The following ACSS3 variants were observed in gnomAD, a reference collection of about 807,000 sequenced individuals.
ACSS3 encodes the protein acyl-CoA synthetase short-chain family member 3, mitochondrial.
In ACSS3, 64 loss-of-function variants were observed where a neutral mutation model predicts 84.2. The ratio of observed to expected loss-of-function variants is 0.76; its 90% confidence interval spans 0.62 to 0.94. The LOEUF (loss-of-function observed/expected upper bound fraction) is 0.94. Among genes scored for constraint, ACSS3 ranks in the 40% least tolerant of loss-of-function variants. The pLI is 0.00. For synonymous variants in ACSS3, 317 were observed against 310.1 expected (o/e 1.02, Z -0.23); for missense variants, 815 against 867.6 (o/e 0.94, Z 0.76).
In ACSS3 at chr12:81,126,345, T is replaced by C. The variant is rs140205853; in HGVS notation, c.457-8471T>C. Among the ~76,000 whole-genome samples the C allele has an allele frequency of 6.0e-3, 912 of 152,326 alleles. 7 individuals are homozygous for C. Among genetic ancestry groups the C allele is most frequent in the African/African-American group, 0.021 (861 of 41,570 alleles). On this transcript the variant is annotated intron_variant, in intron 2 of 15. Coordinates refer to ENST00000548058, the MANE Select transcript of ACSS3 (RefSeq NM_024560.4). ...GTGGATGCAATCCTTAATTATTCTT[T>C]GTCTGTGTATTTTCTTTCCTTTTTA...
chr12:81,174,646 T>G, intron 7 of ACSS3, 142 bp from the exon 8 acceptor site: 2 of 898,518 alleles, frequency 2.2e-6, no homozygotes, highest in Non-Finnish European at 3.2e-6. Flanking sequence ...TTATTTGTGA[T>G]AGAACATGGA....
intron 9 of ACSS3, among the ~76,000 whole-genome samples, chr12:81,209,032 C>A (rs1232360135): frequency 6.6e-6 from 1 of 152,078 alleles, no homozygotes; most frequent in Non-Finnish European, 1.5e-5. Flanking sequence ...TAACATATAG[C>A]TTTTATCTTC....
chr12:81,230,235 G>T (rs2033413078), intron 11 of ACSS3, among the ~76,000 whole-genome samples: 1 of 151,804 alleles, frequency 6.6e-6, no homozygotes, highest in African/African-American at 2.4e-5. Flanking sequence ...AGGTTTCTGT[G>T]TTCAGAAATC....
rs117636323 is a variant in ACSS3, at chr12:81,197,204, G to A, written c.1251-2137G>A. Among the ~76,000 whole-genome samples the A allele has an allele frequency of 3.5e-4, 54 of 152,170 alleles. No homozygotes were observed. In the East Asian group the frequency reaches 0.01, roughly 28 times the overall value. On this transcript the variant is annotated intron_variant, in intron 8 of 15. Transcript: ENST00000548058. ...TTACCATGAATAATTCTAGGTGATT[G>A]CACTTCACATATAGACATCATTTAT... is the stretch of plus-strand genomic sequence containing the variant.
rs1286787568 is a variant in ACSS3, at chr12:81,213,953, CTCTCT to C, written c.1355-2947_1355-2943del. On this transcript the variant is annotated intron_variant, in intron 9 of 15. Transcript: ENST00000548058. ...CCTTCCTTTCTCTCTCTCTCTCCCT[CTCTCT>C]CTTTCTTTCTTTCTTTCTTTCTTTC... 2.4e-3 allele frequency among the ~76,000 whole-genome samples: 44 copies of C among 18,638 alleles called. 1 individual carries two copies. Among genetic ancestry groups the C allele is most frequent in the Non-Finnish European group, 4.5e-3 (34 of 7,600 alleles). The allele number at this position is 18,638 out of a possible 152,430, so 12.2% of individuals were successfully genotyped here. A position where few individuals can be genotyped will look rare whatever the true frequency, so the allele number is the denominator to read the frequency against.
intron 13 of ACSS3, among the ~76,000 whole-genome samples, chr12:81,247,795 A>G (rs999121296): frequency 1.3e-5 from 2 of 152,100 alleles, no homozygotes; most frequent in African/African-American, 4.8e-5. Context: ...TGATGTATCC[A>G]GCTCTTATTA....
rs35753293 is a variant in ACSS3, at chr12:81,145,067, ATTT to A, written c.921+1840_921+1842del. Among the ~76,000 whole-genome samples, 315 of 100,874 alleles carry A rather than the reference ATTT, an allele frequency of 3.1e-3. 3 individuals carry two copies. The highest frequency in any genetic ancestry group is 0.012 in the African/African-American group (296 of 25,470). The allele number at this position is 100,874 out of a possible 152,430, so 66.2% of individuals were successfully genotyped here. A position where few individuals can be genotyped will look rare whatever the true frequency, so the allele number is the denominator to read the frequency against. On this transcript the variant is annotated intron_variant, in intron 5 of 15. Transcript: ENST00000548058. ...AGGCGCCCGCCACCACGCCTGGCTAATTTTTTTTTTTTTTTTTTTTTTGTATTT... is the reference window on the plus strand; with the variant it reads ...AGGCGCCCGCCACCACGCCTGGCTAATTTTTTTTTTTTTTTTTTTGTATTT...
At chr12:81,168,868 C>T (rs1215630555) in intron 7 of ACSS3, among the ~76,000 whole-genome samples, 1 of 152,150 alleles carries the variant, frequency 6.6e-6, no homozygotes, top group African/African-American at 2.4e-5. Flanking sequence ...TAGGCTCATC[C>T]ATTAGGGCAA....
chr12:81,191,119 C>T (rs1395298729), intron 8 of ACSS3, among the ~76,000 whole-genome samples: 4 of 151,928 alleles, frequency 2.6e-5, no homozygotes, highest in Non-Finnish European at 5.9e-5. Context: ...CACAGCCTCC[C>T]CTACTATGAA....
intron 8 of ACSS3, among the ~76,000 whole-genome samples, chr12:81,198,554 T>TTA (rs1401378371): frequency 5.9e-4 from 90 of 151,682 alleles, no homozygotes; most frequent in African/African-American, 2.1e-3. Flanking sequence ...CACACACTTT[T>TTA]TATATATATA....
chr12:81,086,949 C>T (rs1167764785), intron 1 of ACSS3, among the ~76,000 whole-genome samples: 2 of 151,976 alleles, frequency 1.3e-5, no homozygotes, highest in African/African-American at 4.8e-5. Context: ...GGATAGGGAA[C>T]TTGTTATATT....
chr12:81,172,287 G>A (rs2030124635), intron 7 of ACSS3, among the ~76,000 whole-genome samples: 1 of 135,342 alleles, frequency 7.4e-6, no homozygotes, highest in South Asian at 2.3e-4. Context: ...AGGCCCTGGT[G>A]ATCCATGCCC....
chr12:81,160,890 C>T (rs981741334), intron 7 of ACSS3, among the ~76,000 whole-genome samples: 3 of 152,170 alleles, frequency 2.0e-5, no homozygotes, highest in Non-Finnish European at 4.4e-5. Context: ...TTACTGCTTT[C>T]TGCCTTAGTC....
intron 5 of ACSS3, among the ~76,000 whole-genome samples, chr12:81,144,908 T>TC (rs1439054464): frequency 7.0e-6 from 1 of 143,210 alleles, no homozygotes; most frequent in Non-Finnish European, 1.5e-5. Flanking sequence ...CTTTTCTTTT[T>TC]TTTTTTTTTT....
At chr12:81,109,015 A>G (rs1442644517) in intron 1 of ACSS3, among the ~76,000 whole-genome samples, 1 of 152,204 alleles carries the variant, frequency 6.6e-6, no homozygotes, top group Non-Finnish European at 1.5e-5. Context: ...TATTCAAATT[A>G]TGAAGCATTT....
intron 2 of ACSS3, among the ~76,000 whole-genome samples, chr12:81,119,676 G>A (rs1884398932): frequency 6.6e-6 from 1 of 152,006 alleles, no homozygotes; most frequent in Admixed American, 6.6e-5. Context: ...ATGCTATATG[G>A]CTCTATTCTG....
chr12:81,158,392 A>G lies in ACSS3; in HGVS notation c.1098+6296A>G, dbSNP rs1167424300. On this transcript the variant is annotated intron_variant, in intron 7 of 15. Coordinates refer to ENST00000548058, the MANE Select transcript of ACSS3 (RefSeq NM_024560.4). ...TCTACACTCAACAGCTTCAACAGCA[A>G]TTGGAGAAGATTGCAGAGTAAGTTC... 2.6e-5 allele frequency: 4 copies of G among 153,416 alleles called. No homozygotes were observed. The East Asian group carries it at 8.0e-4, about 31-fold the overall frequency. The allele number at this position is 153,416 out of a possible 1,614,324, so 9.5% of individuals were successfully genotyped here.
At chr12:81,148,300 C>T (rs1388699825) in intron 5 of ACSS3, among the ~76,000 whole-genome samples, 2 of 152,144 alleles carry the variant, frequency 1.3e-5, no homozygotes, top group Middle Eastern at 3.2e-3. Flanking sequence ...CAAAACTGCA[C>T]ACAACATTTA....
intron 2 of ACSS3, among the ~76,000 whole-genome samples, chr12:81,115,447 T>C (rs4516036): frequency 0.53 from 80,417 of 151,808 alleles, 21,691 homozygotes; most frequent in East Asian, 0.68. Context: ...CTGTGCTTAA[T>C]GGACATTTGT....
Sources: gnomAD v4.1 joint callset for allele counts (sites outside exome capture counted in the v4.1 genomes callset) on GRCh38, gnomAD v4.1.1 for gene constraint, MANE v1.5 for transcripts, NCBI Gene and HGNC (gene_info 2026-07-23, HGNC 2026-07-21) for gene names.